ATM: variants seen among roughly 807,000 people sequenced by gnomAD.
ATM encodes serine-protein kinase ATM.
ATM carries 308 observed loss-of-function variants against 387.0 expected under a neutral mutation model. The observed-to-expected ratio is 0.80, with a 90% confidence interval of 0.73 to 0.87. ATM has a LOEUF of 0.87. ATM is among the 40% of genes least tolerant of loss of function. ATM has a pLI of 0.00. For missense variants in ATM, 3,312 were observed against 3,560.9 expected, an observed-to-expected ratio of 0.93 and a Z score of 1.78; for synonymous variants, 1,156 against 1,187.3, an observed-to-expected ratio of 0.97 and a Z score of 0.54.
At chr11:108,239,937 A>G (rs956764322) in intron 5 of ATM, among the ~76,000 whole-genome samples, 4 of 152,160 alleles carry the variant, frequency 2.6e-5, no homozygotes, top group Admixed American at 6.5e-5. Flanking sequence ...AGTTTCTCAA[A>G]CCTAGTGGTT....
chr11:108,317,315 T>A, intron 42 of ATM, 58 bp from the exon 43 acceptor site: 1 of 1,552,956 alleles, frequency 6.4e-7, no homozygotes, highest in Non-Finnish European at 8.8e-7. Flanking sequence ...TTTTTTTCTC[T>A]GGTTTTCTGT....
chr11:108,356,656 G>A (rs2089962543), intron 61 of ATM, among the ~76,000 whole-genome samples: 1 of 151,942 alleles, frequency 6.6e-6, no homozygotes, highest in African/African-American at 2.4e-5. Context: ...TTTATGCTAA[G>A]GTGGATTTGG....
At chr11:108,342,377 G>T (rs1016791409) in intron 56 of ATM, among the ~76,000 whole-genome samples, 1 of 152,130 alleles carries the variant, frequency 6.6e-6, no homozygotes, top group Non-Finnish European at 1.5e-5. Flanking sequence ...ACATAGTTAG[G>T]ATAAAATAGT....
rs1060501677 is a variant in ATM at position 108,272,772 on chromosome 11, TC to T, written c.3206del (p.Pro1069LeufsTer2). Reference protein sequence around the residue: ...AILNVMGKDFPVNEVFTQFLA... With the variant: ...AILNVMGKDFXVNEVFTQFLA... ...TTCTTAATGTAATGGGAAAAGACTT[TC>T]CTGTAAATGAAGTATTTACACAATT... On this transcript the variant is annotated frameshift_variant, in exon 22 of 63. Transcript: ENST00000675843. LOFTEE classifies it high-confidence loss of function. 1.2e-6 allele frequency: 2 copies of T among 1,614,100 alleles called. No homozygotes were observed. Among genetic ancestry groups the T allele is most frequent in the Non-Finnish European group, 1.7e-6 (2 of 1,179,990 alleles).
At position 108,227,796 on chromosome 11, in the gene ATM, G is replaced by C. The variant is rs863224583; in HGVS notation, c.93G>C (p.Lys31Asn). ...TERKKEVEKF[K>N]RLIRDPETIK... is the part of the protein sequence containing the mutation. ...TTCAGAAAGAAGTTGAGAAATTTAA[G>C]CGCCTGATTCGAGATCCTGAAACAA... is the stretch of plus-strand genomic sequence containing the variant. Residue 31 changes from lysine to asparagine, a missense_variant, in exon 3 of 63, where the codon AAG (lysine) becomes AAC (asparagine). Around this residue, in one of 4 missense-constraint regions of ATM, gnomAD observed 1,791 missense variants for 1,804.5 expected, o/e 0.99. Coordinates refer to ENST00000675843, the MANE Select transcript of ATM (RefSeq NM_000051.4). 3.7e-6 allele frequency: 6 copies of C among 1,613,638 alleles called. No individual in the cohort carries two copies. Among genetic ancestry groups the C allele is most frequent in the Non-Finnish European group, 5.1e-6 (6 of 1,179,810 alleles).
At chr11:108,341,930 TG>T (rs769241148) in intron 56 of ATM, among the ~76,000 whole-genome samples, 66 of 152,186 alleles carry the variant, frequency 4.3e-4, no homozygotes, top group Non-Finnish European at 8.5e-4. Context: ...TTAACCGAGG[TG>T]AAGATGTATC....
chr11:108,331,583 C>T, intron 51 of ATM, 26 bp downstream of exon 51: 1 of 1,577,114 alleles, frequency 6.3e-7, no homozygotes, highest in Non-Finnish European at 8.6e-7. Context: ...AATCAAACCA[C>T]AATAATTATT....
At chr11:108,352,079 G>T (rs1261043107) in intron 59 of ATM, among the ~76,000 whole-genome samples, 4 of 152,150 alleles carry the variant, frequency 2.6e-5, no homozygotes, top group African/African-American at 9.7e-5. Context: ...AAGATCCTGA[G>T]TCTCGTAATA....
intron 30 of ATM, 90 bp downstream of exon 30, chr11:108,292,883 T>C (rs1171430494): frequency 1.4e-6 from 2 of 1,452,906 alleles, no homozygotes; most frequent in African/African-American, 1.4e-5. Flanking sequence ...TTTGGTATAA[T>C]TGGTGATTTT....
rs4988001 is a variant in ATM, at chr11:108,287,864, G to A, written c.4109+149G>A. 2,440 of 621,234 alleles carry A rather than the reference G, an allele frequency of 3.9e-3. 52 individuals carry two copies. In the African/African-American group the frequency reaches 0.04, roughly 10 times the overall value. The allele number at this position is 621,234 out of a possible 1,614,324, so 38.5% of individuals were successfully genotyped here. ...TAAAAATAGCCACCTTTGAATTGAGGTAATTACCTATCCTCTTTTACCATA... is the reference window on the plus strand; with the variant it reads ...TAAAAATAGCCACCTTTGAATTGAGATAATTACCTATCCTCTTTTACCATA... On this transcript the variant is annotated intron_variant, in intron 27 of 62. Transcript: ENST00000675843.
intron 49 of ATM, among the ~76,000 whole-genome samples, chr11:108,329,512 T>G (rs1156621026): frequency 1.3e-5 from 2 of 152,192 alleles, no homozygotes; most frequent in East Asian, 3.9e-4. Context: ...CCTCCTGGAC[T>G]CAATTGATTC....
intron 47 of ATM, 113 bp from the exon 48 acceptor site, chr11:108,327,532 C>T (rs1434514609): frequency 1.2e-6 from 1 of 801,562 alleles, no homozygotes; most frequent in Admixed American, 2.3e-5. Context: ...CTTTTTTTTT[C>T]CCACCCACCA....
At chr11:108,332,705 G>T (rs2136555278) in intron 52 of ATM, 57 bp from the exon 53 acceptor site, 1 of 1,564,682 alleles carries the variant, frequency 6.4e-7, no homozygotes, top group Non-Finnish European at 8.7e-7. Flanking sequence ...TTCTAACTCT[G>T]AGAAGTTTAA....
chr11:108,224,371 C>T (rs565682248), intron 1 of ATM: 42 of 152,184 alleles, frequency 2.8e-4, no homozygotes, highest in Non-Finnish European at 5.4e-4. Context: ...AAGGGGTCAA[C>T]TTGGTTGAGA....
Position 108,299,885 on chromosome 11 carries a change from GGTGA to G in ATM, c.5177+3_5177+6del. The G allele has an allele frequency of 6.2e-7, 1 of 1,612,802 alleles. No homozygotes were observed. The highest frequency in any genetic ancestry group is 8.5e-7 in the Non-Finnish European group (1 of 1,179,138). On this transcript the variant is annotated splice_donor_variant and splice_donor_region_variant and intron_variant, in intron 34 of 62. Transcript: ENST00000675843. LOFTEE classifies it high-confidence loss of function. ...CTGAATAACACACTGGTAGAAGATTGGTGAGTATTTATTGATACCTTATATGTAA... is the reference window on the plus strand; with the variant it reads ...CTGAATAACACACTGGTAGAAGATTGGTATTTATTGATACCTTATATGTAA...
intron 16 of ATM, among the ~76,000 whole-genome samples, chr11:108,263,734 C>G (rs1202585593): frequency 6.9e-6 from 1 of 145,750 alleles, no homozygotes; most frequent in Non-Finnish European, 1.5e-5. Context: ...AGACCGCTAG[C>G]AAGACTAATA....
chr11:108,264,416 G>T (rs1033338627), intron 16 of ATM, among the ~76,000 whole-genome samples: 12 of 152,140 alleles, frequency 7.9e-5, no homozygotes, highest in African/African-American at 2.6e-4. Flanking sequence ...AAAAGGCCTT[G>T]GACAAAATTC....
chr11:108,307,823 A>G, intron 37 of ATM, 74 bp from the exon 38 acceptor site: 2 of 1,337,936 alleles, frequency 1.5e-6, no homozygotes, highest in East Asian at 4.7e-5. Context: ...TGGGAGACAG[A>G]CACATAAACA....
At position 108,299,719 on chromosome 11, in the gene ATM, G is replaced by T. The variant is rs1057523385; in HGVS notation, c.5011G>T (p.Val1671Phe). 1.2e-6 allele frequency: 2 copies of T among 1,613,690 alleles called. No homozygotes were observed. The highest frequency in any genetic ancestry group is 1.7e-6 in the Non-Finnish European group (2 of 1,179,824). The change falls in exon 34 of 63, where the codon GTT becomes TTT. Residue 1671 changes from valine to phenylalanine, a missense_variant. Around this residue, in one of 4 missense-constraint regions of ATM, gnomAD observed 1,405 missense variants for 1,604.4 expected, o/e 0.88. Transcript: ENST00000675843. ...HTGEKEVLEAVGSCLGEVGPI... is the reference protein window; with the variant it reads ...HTGEKEVLEAFGSCLGEVGPI... ...AATAGAATTTCTATATGTAGAGGCT[G>T]TTGGAAGCTGCTTGGGAGAAGTGGG...
Sources: allele counts gnomAD v4.1 joint callset (sites outside exome capture counted in the v4.1 genomes callset), GRCh38; gene constraint gnomAD v4.1.1; regional missense constraint gnomAD v4.1.1; transcripts MANE v1.5; gene names NCBI Gene and HGNC (gene_info 2026-07-23, HGNC 2026-07-21).